The following ACOX1 variants were observed in gnomAD, a reference collection of about 807,000 sequenced individuals.
ACOX1 encodes acyl-CoA oxidase 1, also known as peroxisomal acyl-coenzyme A oxidase 1.
In ACOX1, 41 loss-of-function variants were observed where a neutral mutation model predicts 75.5. The observed-to-expected ratio is 0.54, with a 90% confidence interval of 0.42 to 0.70. The LOEUF is 0.70. ACOX1 is among the 30% of genes least tolerant of loss of function. The probability of loss-of-function intolerance (pLI) is 0.00; values close to 1 mark genes in which losing one functional copy is unlikely to be tolerated. For synonymous variants in ACOX1, 303 were observed against 298.8 expected (o/e 1.01, Z -0.15); for missense variants, 630 against 837.5 (o/e 0.75, Z 3.06).
intron 2 of ACOX1, among the ~76,000 whole-genome samples, chr17:75,971,741 C>CAAA (rs11324447): frequency 9.5e-5 from 11 of 116,098 alleles, no homozygotes; most frequent in Admixed American, 1.9e-4. Flanking sequence ...GACTCTGACT[C>CAAA]AAAAAAAAAA....
At chr17:75,975,909 G>A (rs559782459) in intron 2 of ACOX1, among the ~76,000 whole-genome samples, 12 of 148,284 alleles carry the variant, frequency 8.1e-5, no homozygotes, top group Admixed American at 1.3e-4. Context: ...AAGAGGAAGA[G>A]AAAGAGAAAG....
chr17:75,961,176 C>A (rs1351007474), intron 2 of ACOX1, among the ~76,000 whole-genome samples: 6 of 150,640 alleles, frequency 4.0e-5, no homozygotes, highest in African/African-American at 1.5e-4. Flanking sequence ...ACCTGTAATC[C>A]CAGCTACTCA....
At chr17:75,970,928 A>G (rs1172839583) in intron 2 of ACOX1, among the ~76,000 whole-genome samples, 3 of 152,240 alleles carry the variant, frequency 2.0e-5, no homozygotes, top group Non-Finnish European at 4.4e-5. Context: ...CAGCAAGAAA[A>G]AAGACTAATC....
chr17:75,956,957 CTCTCTCTCTCTCTCTATA>C (rs1236276726), intron 4 of ACOX1, among the ~76,000 whole-genome samples: 31 of 28,468 alleles, frequency 1.1e-3, no homozygotes, highest in African/African-American at 3.7e-3. Flanking sequence ...CTCTCTCTCT[CTCTCTCTCTCTCTCTATA>C]TATATATATA....
intron 3 of ACOX1, 99 bp from the exon 4 acceptor site, chr17:75,957,665 G>C: frequency 1.2e-6 from 1 of 865,406 alleles, no homozygotes; most frequent in Non-Finnish European, 1.9e-6. Context: ...TCATATCTCA[G>C]AGAAAAACAA....
At chr17:75,948,047 A>T (rs1002064797) in intron 13 of ACOX1, among the ~76,000 whole-genome samples, 1 of 152,116 alleles carries the variant, frequency 6.6e-6, no homozygotes, top group Non-Finnish European at 1.5e-5. Flanking sequence ...TCAATTCGTT[A>T]TCAAAAATTG....
At chr17:75,951,102 G>A in intron 8 of ACOX1, 138 bp from the exon 9 acceptor site, 1 of 961,634 alleles carries the variant, frequency 1.0e-6, no homozygotes, top group Non-Finnish European at 1.6e-6. Context: ...AAGAAGCACA[G>A]CTGTCCGACT....
chr17:75,961,798 G>C (rs1215154921), intron 2 of ACOX1, among the ~76,000 whole-genome samples: 2 of 150,626 alleles, frequency 1.3e-5, no homozygotes, highest in Non-Finnish European at 1.5e-5. Flanking sequence ...ATAGAATGGA[G>C]AATTTGCTGG....
intron 2 of ACOX1, among the ~76,000 whole-genome samples, chr17:75,968,227 G>C (rs1250946899): frequency 1.3e-5 from 2 of 148,924 alleles, no homozygotes; most frequent in East Asian, 4.1e-4. Context: ...ACGAGGTCAG[G>C]AGATCGAGAC....
Position 75,946,395 on chromosome 17 carries a change from A to T in ACOX1, c.*353T>A, listed in dbSNP as rs2065720942. The stretch of plus-strand genomic sequence containing the variant: ...TACCTTTGCTTAAAAACACTTATAT[A>T]GCCAGTGATTAGCAATTAAAATGTG... On this transcript the variant is annotated 3_prime_UTR_variant, in exon 14 of 14. Coordinates refer to ENST00000293217, the MANE Select transcript of ACOX1 (RefSeq NM_004035.7). 2.8e-6 allele frequency: 1 copy of T among 351,032 alleles called. No individual in the cohort carries two copies. Among genetic ancestry groups the T allele is most frequent in the Admixed American group, 4.0e-5 (1 of 24,754 alleles). The allele number at this position is 351,032 out of a possible 1,614,324, so 21.7% of individuals were successfully genotyped here.
intron 2 of ACOX1, among the ~76,000 whole-genome samples, chr17:75,969,154 C>CTTATTTAT (rs543142027): frequency 3.3e-5 from 5 of 151,938 alleles, no homozygotes; most frequent in African/African-American, 1.2e-4. Context: ...AATACAGCGT[C>CTTATTTAT]TTATTTATTT....
In ACOX1 at chr17:75,978,404, T is replaced by C. The variant is rs550253186; in HGVS notation, c.269+130A>G. The stretch of plus-strand genomic sequence containing the variant: ...CACCGCGCCCGGCCACACATATAAC[T>C]TTATAAAGTTGCATGAAAATATGCC... On this transcript the variant is annotated intron_variant, in intron 2 of 13. Coordinates refer to ENST00000293217, the MANE Select transcript of ACOX1 (RefSeq NM_004035.7). This position sits in a 1 kb window ranked among gnomAD's most constrained non-coding sequence, Gnocchi z 4.2. The C allele has an allele frequency of 4.5e-6, 6 of 1,324,214 alleles. No homozygotes were observed. The highest frequency in any genetic ancestry group is 6.4e-6 in the Non-Finnish European group (6 of 931,228). The allele number at this position is 1,324,214 out of a possible 1,614,324, so 82.0% of individuals were successfully genotyped here. A position where few individuals can be genotyped will look rare whatever the true frequency, so the allele number is the denominator to read the frequency against.
intron 2 of ACOX1, among the ~76,000 whole-genome samples, chr17:75,964,208 G>A (rs866474875): frequency 2.6e-5 from 4 of 151,324 alleles, no homozygotes; most frequent in East Asian, 1.9e-4. Flanking sequence ...AATTAATAGC[G>A]GAAATCCCAA....
rs2065673563 is a variant in ACOX1, at chr17:75,941,875, G to C, written c.*4873C>G. On this transcript the variant is annotated 3_prime_UTR_variant, in exon 14 of 14. Transcript: ENST00000293217. Reference sequence around the variant, plus strand: ...AAGTGTAGTCCGCAGTCTGAATGTGGAAGGTGGAAGATCACACATTTACTA... The same window carrying C: ...AAGTGTAGTCCGCAGTCTGAATGTGCAAGGTGGAAGATCACACATTTACTA... 1 of 152,230 alleles carries C rather than the reference G, an allele frequency of 6.6e-6. No homozygotes were observed. Among genetic ancestry groups the C allele is most frequent in the African/African-American group, 2.4e-5 (1 of 41,462 alleles). The allele number at this position is 152,230 out of a possible 1,614,324, so 9.4% of individuals were successfully genotyped here.
rs975120965 is a variant in ACOX1, at chr17:75,960,148, G to A, written c.430+67C>T. On this transcript the variant is annotated intron_variant, in intron 3 of 13. Transcript: ENST00000293217. This position sits in a 1 kb window ranked among gnomAD's most constrained non-coding sequence, Gnocchi z 4.4. ...GACACACCATCGATGGCACATGGTG[G>A]GCACTCCACACATGGTAAGCTCACA... 6.3e-7 allele frequency: 1 copy of A among 1,590,440 alleles called. No homozygotes were observed. Among genetic ancestry groups the A allele is most frequent in the African/African-American group, 1.3e-5 (1 of 74,384 alleles).
chr17:75,958,363 AAAAAAGAAAAAG>A (rs1022169774), intron 3 of ACOX1, among the ~76,000 whole-genome samples: 3 of 147,450 alleles, frequency 2.0e-5, no homozygotes, highest in African/African-American at 7.6e-5. Flanking sequence ...AAAAAAAAAA[AAAAAAGAAAAAG>A]AAAAAGAAAA....
Position 75,960,371 on chromosome 17 carries a change from CAA to C in ACOX1, c.272_273del (p.Phe91CysfsTer7). 1.9e-6 allele frequency: 3 copies of C among 1,613,604 alleles called. No individual in the cohort carries two copies. The highest frequency in any genetic ancestry group is 2.5e-6 in the Non-Finnish European group (3 of 1,179,980). On this transcript the variant is annotated frameshift_variant and splice_region_variant, in exon 3 of 14. Transcript: ENST00000293217. LOFTEE classifies it high-confidence loss of function. The surrounding 1 kb of genome is among the most constrained non-coding windows in gnomAD (Gnocchi z 4.4). ...AGAGGCTCAGGCCGCCCTCGGTGCA[CAA>C]AACTTCGAGGAAATATCAAGGATGG... ...DPDEIMWFKN[F>X]VHRGRPEPLD... is the part of the protein sequence containing the mutation.
intron 2 of ACOX1, among the ~76,000 whole-genome samples, chr17:75,961,889 G>T (rs1269901690): frequency 2.6e-5 from 4 of 152,054 alleles, no homozygotes; most frequent in Admixed American, 2.6e-4. Context: ...GGAGAACAGA[G>T]AATTTGAGTG....
chr17:75,978,743 C>T lies in ACOX1; in HGVS notation c.110-50G>A, dbSNP rs1319388153. 2.5e-6 allele frequency: 4 copies of T among 1,612,306 alleles called. No homozygotes were observed. The highest frequency in any genetic ancestry group is 3.4e-6 in the Non-Finnish European group (4 of 1,179,992). On this transcript the variant is annotated intron_variant, in intron 1 of 13. Coordinates refer to ENST00000293217, the MANE Select transcript of ACOX1 (RefSeq NM_004035.7). This position sits in a 1 kb window ranked among gnomAD's most constrained non-coding sequence, Gnocchi z 4.2. The stretch of plus-strand genomic sequence containing the variant: ...AAAGGCAGACAGACACTCGGGCCTC[C>T]GTTCCACCCTCCCTGAATCACAATA...
Sources: gnomAD v4.1 joint callset for allele counts (sites outside exome capture counted in the v4.1 genomes callset) on GRCh38, gnomAD v4.1.1 for gene constraint, Gnocchi (gnomAD v3.1) non-coding constraint, MANE v1.5 for transcripts, NCBI Gene and HGNC (gene_info 2026-07-23, HGNC 2026-07-21) for gene names.